Variants in CSMD3 observed in about 807,000 individuals in gnomAD.
CSMD3 encodes CUB and sushi domain-containing protein 3.
CSMD3 carries 177 observed loss-of-function variants against 435.2 expected under a neutral mutation model. The observed-to-expected ratio is 0.41, with a 90% CI of 0.36 to 0.46. The LOEUF is 0.46. Ranked by LOEUF, CSMD3 falls within the 20% of genes least tolerant of loss-of-function variation. The pLI, the probability that CSMD3 is intolerant of heterozygous loss-of-function variation, is 0.34. For synonymous variants in CSMD3, 1,656 were observed against 1,520.5 expected, an observed-to-expected ratio of 1.09 and a Z score of -2.07; for missense variants, 4,265 against 4,504.6, an observed-to-expected ratio of 0.95 and a Z score of 1.52.
rs566272122 is a variant in CSMD3 at position 112,269,759 on chromosome 8, A to C, written c.9509-4169T>G. Among the ~76,000 whole-genome samples, 3 of 152,352 alleles carry C rather than the reference A, an allele frequency of 2.0e-5. No individual in the cohort carries two copies. In the South Asian group the frequency reaches 6.2e-4, roughly 32 times the overall value. On this transcript the variant is annotated intron_variant, in intron 59 of 70. Transcript: ENST00000297405. The stretch of plus-strand genomic sequence containing the variant: ...TCTCTGTCTGAACATCATAGAAAAT[A>C]ACTTCACTACATTTTAAATCAAGGA...
chr8:112,519,268 C>A (rs771676047), intron 27 of CSMD3, among the ~76,000 whole-genome samples: 1 of 152,120 alleles, frequency 6.6e-6, no homozygotes, highest in Non-Finnish European at 1.5e-5. Context: ...GCAAAGTAAG[C>A]AGAAATTCCA....
intron 13 of CSMD3, among the ~76,000 whole-genome samples, chr8:112,706,112 A>C (rs1308368789): frequency 6.6e-6 from 1 of 152,056 alleles, no homozygotes; most frequent in African/African-American, 2.4e-5. Flanking sequence ...CATTGTAAAA[A>C]TCTCAAATCA....
intron 5 of CSMD3, among the ~76,000 whole-genome samples, chr8:113,085,965 C>T (rs906328822): frequency 2.6e-5 from 4 of 151,900 alleles, no homozygotes; most frequent in East Asian, 1.9e-4. Context: ...CGGCTGGGTG[C>T]AGTGGCTCAT....
intron 45 of CSMD3, among the ~76,000 whole-genome samples, chr8:112,334,261 CAAATT>C (rs1824359958): frequency 6.6e-6 from 1 of 152,038 alleles, no homozygotes. Flanking sequence ...GATAAGTGCT[CAAATT>C]AAGCAACTCA....
chr8:112,333,303 G>A (rs1824249321), intron 45 of CSMD3, among the ~76,000 whole-genome samples: 1 of 152,214 alleles, frequency 6.6e-6, no homozygotes, highest in African/African-American at 2.4e-5. Flanking sequence ...GAGTAGCTGG[G>A]ATTACAGGCA....
At chr8:113,243,594 T>C (rs1364536269) in intron 3 of CSMD3, among the ~76,000 whole-genome samples, 7 of 152,130 alleles carry the variant, frequency 4.6e-5, no homozygotes, top group Non-Finnish European at 8.8e-5. Context: ...TTTTTGTTTG[T>C]ATCCCTGTTT....
chr8:113,135,778 G>A (rs1010305901), intron 4 of CSMD3, among the ~76,000 whole-genome samples: 1 of 151,750 alleles, frequency 6.6e-6, no homozygotes, highest in Non-Finnish European at 1.5e-5. Flanking sequence ...AATCATTTGA[G>A]GAGACTGGAC....
chr8:112,825,905 G>T (rs2079664946), intron 12 of CSMD3, among the ~76,000 whole-genome samples: 1 of 152,190 alleles, frequency 6.6e-6, no homozygotes, highest in African/African-American at 2.4e-5. Flanking sequence ...CACTCGTCTG[G>T]TCTGCCTGGA....
Position 112,243,957 on chromosome 8 carries a change from A to G in CSMD3, c.10402+437T>C, listed in dbSNP as rs150927259. Among the ~76,000 whole-genome samples, 544 of 152,236 alleles carry G rather than the reference A, an allele frequency of 3.6e-3. 2 individuals are homozygous for G. The highest frequency in any genetic ancestry group is 0.012 in the African/African-American group (517 of 41,562). ...GAGCCAATGAATACCCAGGGTTGTCAGAAGCTATGAGAAGATAGGAAGAGG... is the reference window on the plus strand; with the variant it reads ...GAGCCAATGAATACCCAGGGTTGTCGGAAGCTATGAGAAGATAGGAAGAGG... On this transcript the variant is annotated intron_variant, in intron 65 of 70. Coordinates refer to ENST00000297405, the MANE Select transcript of CSMD3 (RefSeq NM_198123.2).
chr8:112,587,110 T>C lies in CSMD3; in HGVS notation c.3841A>G (p.Ile1281Val), dbSNP rs1039705190. The change falls in exon 23 of 71, where the codon ATT becomes GTT. Residue 1281 changes from isoleucine (I) to valine (V), a missense_variant. Physicochemically the swap from Ile to Val is conservative, Grantham distance 29. Around this residue, in one of 3 missense-constraint regions of CSMD3, gnomAD observed 3,255 missense variants for 3,380.2 expected, o/e 0.96. Transcript: ENST00000297405. Reference protein sequence around the residue: ...IQVQAGKGINISARTFHLAQG... With the variant: ...IQVQAGKGINVSARTFHLAQG... The stretch of plus-strand genomic sequence containing the variant: ...GCTAAATGAAATGTTCTGGCTGAAA[T>C]ATTGATTCCCTTTCCTGCTTGAACC... The C allele has an allele frequency of 1.2e-6, 2 of 1,611,246 alleles. No homozygotes were observed. The highest frequency in any genetic ancestry group is 1.7e-6 in the Non-Finnish European group (2 of 1,178,064).
At chr8:113,377,158 C>G (rs2094390816) in intron 1 of CSMD3, 1 of 1,246,734 alleles carries the variant, frequency 8.0e-7, no homozygotes, top group African/African-American at 1.6e-5. Context: ...GGTGTACGCC[C>G]CGGAAACCCT....
intron 4 of CSMD3, among the ~76,000 whole-genome samples, chr8:113,122,142 G>C (rs1195403817): frequency 6.6e-6 from 1 of 152,088 alleles, no homozygotes; most frequent in Non-Finnish European, 1.5e-5. Context: ...CAGGAACATA[G>C]CTAATTGTCA....
intron 42 of CSMD3, among the ~76,000 whole-genome samples, chr8:112,339,674 C>T (rs935938018): frequency 1.3e-5 from 2 of 152,140 alleles, no homozygotes; most frequent in Non-Finnish European, 2.9e-5. Flanking sequence ...CATTAATTTT[C>T]AAACTGATTC....
At chr8:112,454,054 G>T (rs1391326791) in intron 32 of CSMD3, among the ~76,000 whole-genome samples, 1 of 152,104 alleles carries the variant, frequency 6.6e-6, no homozygotes, top group Non-Finnish European at 1.5e-5. Flanking sequence ...ATTTGAACAA[G>T]AATAAAATTG....
chr8:113,095,906 GA>G (rs1424888994), intron 5 of CSMD3, among the ~76,000 whole-genome samples: 4 of 152,018 alleles, frequency 2.6e-5, no homozygotes, highest in African/African-American at 4.8e-5. Flanking sequence ...GACCCTAAGG[GA>G]TAACTGTACT....
intron 32 of CSMD3, among the ~76,000 whole-genome samples, chr8:112,452,845 G>T (rs1013218229): frequency 3.3e-5 from 5 of 152,034 alleles, no homozygotes; most frequent in African/African-American, 1.2e-4. Flanking sequence ...ATATTTTGTA[G>T]AATTCTGAAC....
intron 3 of CSMD3, among the ~76,000 whole-genome samples, chr8:113,263,947 A>C (rs1484681831): frequency 6.6e-6 from 1 of 151,656 alleles, no homozygotes; most frequent in East Asian, 1.9e-4. Flanking sequence ...TATAGCCACC[A>C]TATTAAAATA....
intron 24 of CSMD3, among the ~76,000 whole-genome samples, chr8:112,564,963 TATGTAAC>T: frequency 6.6e-6 from 1 of 152,242 alleles, no homozygotes; most frequent in Non-Finnish European, 1.5e-5. Flanking sequence ...AAATTAATTG[TATGTAAC>T]ATGTAAATTA....
intron 22 of CSMD3, among the ~76,000 whole-genome samples, chr8:112,630,165 T>C (rs2074474348): frequency 6.6e-6 from 1 of 152,104 alleles, no homozygotes; most frequent in South Asian, 2.1e-4. Flanking sequence ...ATGCCCAGAC[T>C]CTCAACCCAC....
Sources: gnomAD v4.1 joint callset for allele counts (sites outside exome capture counted in the v4.1 genomes callset) on GRCh38, gnomAD v4.1.1 for gene constraint, gnomAD v4.1.1 regional missense constraint, MANE v1.5 for transcripts, NCBI Gene and HGNC (gene_info 2026-07-23, HGNC 2026-07-21) for gene names.